Variants in SPMIP3 observed in about 807,000 individuals in gnomAD.
SPMIP3 encodes protein SPMIP3.
chr1:244,366,625 A>T, the SPMIP3 span, among the ~76,000 whole-genome samples: 1 of 152,186 alleles, frequency 6.6e-6, no homozygotes, highest in African/African-American at 2.4e-5. Context: ...CGTGCCTGTA[A>T]TCCCAGCACT....
At chr1:244,363,446 C>G in the SPMIP3 span, among the ~76,000 whole-genome samples, 1 of 151,982 alleles carries the variant, frequency 6.6e-6, no homozygotes, top group Non-Finnish European at 1.5e-5. Flanking sequence ...AAATTTTAGA[C>G]TAGAAACAAC....
the SPMIP3 span, among the ~76,000 whole-genome samples, chr1:244,363,728 A>G: frequency 6.6e-6 from 1 of 152,208 alleles, no homozygotes; most frequent in Non-Finnish European, 1.5e-5. Context: ...ACCCTGGGAC[A>G]CAGACTTCAG....
the SPMIP3 span, among the ~76,000 whole-genome samples, chr1:244,353,018 A>G: frequency 6.6e-6 from 1 of 152,204 alleles, no homozygotes; most frequent in African/African-American, 2.4e-5. Context: ...GTGATACAAG[A>G]AGACCTAGGT....
chr1:244,387,731 G>A, the SPMIP3 span, among the ~76,000 whole-genome samples: 10 of 152,172 alleles, frequency 6.6e-5, no homozygotes, highest in Non-Finnish European at 1.3e-4. Context: ...AAGAGGAAAG[G>A]ATATCAGTGT....
At chr1:244,363,839 G>T in the SPMIP3 span, among the ~76,000 whole-genome samples, 2 of 152,334 alleles carry the variant, frequency 1.3e-5, no homozygotes, top group East Asian at 3.9e-4. Context: ...CAGTAGAGAA[G>T]ATCAAGGCAG....
the SPMIP3 span, among the ~76,000 whole-genome samples, chr1:244,365,484 C>T: frequency 6.6e-6 from 1 of 152,210 alleles, no homozygotes; most frequent in Non-Finnish European, 1.5e-5. Context: ...TCCTCCTTTG[C>T]CTTCTGCCAT....
chr1:244,362,324 A>G, the SPMIP3 span, among the ~76,000 whole-genome samples: 1 of 152,172 alleles, frequency 6.6e-6, no homozygotes, highest in East Asian at 1.9e-4. Flanking sequence ...GTTTTGATAG[A>G]GCTAAGAGTT....
the SPMIP3 span, among the ~76,000 whole-genome samples, chr1:244,360,925 T>G: frequency 8.9e-5 from 13 of 146,374 alleles, no homozygotes; most frequent in African/African-American, 3.3e-4. Flanking sequence ...TACAACAACA[T>G]GAAGGGAACT....
At chr1:244,358,491 A>G in the SPMIP3 span, among the ~76,000 whole-genome samples, 1 of 151,882 alleles carries the variant, frequency 6.6e-6, no homozygotes. Context: ...AGGCTGAGGC[A>G]TCAGAATTGC....
At chr1:244,353,760 G>T in the SPMIP3 span, among the ~76,000 whole-genome samples, 57 of 152,338 alleles carry the variant, frequency 3.7e-4, no homozygotes, top group African/African-American at 1.3e-3. Flanking sequence ...AGAGTCAGGG[G>T]AGAAGGGAAC....
the SPMIP3 span, among the ~76,000 whole-genome samples, chr1:244,366,100 C>T: frequency 3.3e-5 from 5 of 152,272 alleles, no homozygotes; most frequent in East Asian, 1.9e-4. Context: ...AACCTCACAC[C>T]ATGACATGGG....
At chr1:244,362,858 T>C in the SPMIP3 span, among the ~76,000 whole-genome samples, 1 of 150,008 alleles carries the variant, frequency 6.7e-6, no homozygotes, top group Non-Finnish European at 1.5e-5. Context: ...TTTTTTTTTT[T>C]TTTTTGAGAC....
At chr1:244,381,239 C>A in the SPMIP3 span, among the ~76,000 whole-genome samples, 1 of 152,178 alleles carries the variant, frequency 6.6e-6, no homozygotes, top group Non-Finnish European at 1.5e-5. Flanking sequence ...AATGGGGTTC[C>A]GGTCCCCACA....
chr1:244,379,492 C>A, the SPMIP3 span, among the ~76,000 whole-genome samples: 1 of 152,158 alleles, frequency 6.6e-6, no homozygotes. Flanking sequence ...AGGTGTGAGC[C>A]ACCACACCTG....
the SPMIP3 span, among the ~76,000 whole-genome samples, chr1:244,373,958 C>CA: frequency 6.6e-6 from 1 of 151,774 alleles, no homozygotes; most frequent in African/African-American, 2.4e-5. Context: ...TCTAAAAATA[C>CA]AAAAATTAGC....
the SPMIP3 span, among the ~76,000 whole-genome samples, chr1:244,383,380 G>A: frequency 6.6e-6 from 1 of 152,054 alleles, no homozygotes; most frequent in African/African-American, 2.4e-5. Context: ...TGGGTGTAGT[G>A]GCCCCTGTGG....
chr1:244,378,415 G>A, the SPMIP3 span: 2 of 1,520,052 alleles, frequency 1.3e-6, no homozygotes, highest in Non-Finnish European at 1.8e-6. Flanking sequence ...ACGAGAAAAT[G>A]GACTGCTTTT....
the SPMIP3 span, among the ~76,000 whole-genome samples, chr1:244,364,344 A>G: frequency 6.6e-6 from 1 of 152,066 alleles, no homozygotes; most frequent in Non-Finnish European, 1.5e-5. Context: ...TGACCTCGTG[A>G]TCCTCCCACC....
chr1:244,361,301 C>A, the SPMIP3 span, among the ~76,000 whole-genome samples: 66 of 144,856 alleles, frequency 4.6e-4, no homozygotes, highest in African/African-American at 1.7e-3. Flanking sequence ...TCGATCTCGG[C>A]TCACTGCAAC....
Sources: gnomAD v4.1 joint callset for allele counts (sites outside exome capture counted in the v4.1 genomes callset) on GRCh38, gnomAD v4.1.1 for gene constraint, MANE v1.5 for transcripts, NCBI Gene and HGNC (gene_info 2026-07-23, HGNC 2026-07-21) for gene names.